Variants in CLYBL observed in about 807,000 individuals in gnomAD.
CLYBL encodes the protein citramalyl-CoA lyase.
In CLYBL, 31 loss-of-function variants were observed where a neutral mutation model predicts 38.9. That is an observed-to-expected ratio of 0.80 (90% CI 0.60 to 1.08). The LOEUF (loss-of-function observed/expected upper bound fraction) is 1.08, where lower values mean the gene tolerates loss of function less well. CLYBL is among the 50% of genes least tolerant of loss of function. The pLI is 0.00. For synonymous variants in CLYBL, 171 were observed against 158.6 expected (o/e 1.08, Z -0.59); for missense variants, 434 against 411.6 (o/e 1.05, Z -0.47).
chr13:99,876,051 A>G (rs1025744064), intron 7 of CLYBL, among the ~76,000 whole-genome samples: 1 of 148,206 alleles, frequency 6.7e-6, no homozygotes, highest in Non-Finnish European at 1.5e-5. Flanking sequence ...TATTGAAATC[A>G]TATCATATTC....
intron 1 of CLYBL, among the ~76,000 whole-genome samples, chr13:99,672,861 G>C (rs1361404908): frequency 6.6e-6 from 1 of 152,116 alleles, no homozygotes; most frequent in Non-Finnish European, 1.5e-5. Context: ...AAAACTCTAT[G>C]CCCTTAACCC....
At chr13:99,768,093 GTT>G (rs2049303772) in intron 1 of CLYBL, among the ~76,000 whole-genome samples, 1 of 150,640 alleles carries the variant, frequency 6.6e-6, no homozygotes, top group African/African-American at 2.4e-5. Flanking sequence ...TGGGCTCACT[GTT>G]TTTGTTTACT....
intron 1 of CLYBL, among the ~76,000 whole-genome samples, chr13:99,705,276 A>G (rs2048129539): frequency 1.3e-5 from 2 of 152,046 alleles, no homozygotes; most frequent in Non-Finnish European, 2.9e-5. Context: ...AATATTATTC[A>G]ACCTTAAGAA....
Position 99,863,060 on chromosome 13 carries a change from G to T in CLYBL, c.508G>T (p.Val170Leu). The change falls in exon 4 of 9, where the codon GTG becomes TTG. Residue 170 changes from valine (V) to leucine (L), a missense_variant. Physicochemically the swap from Val to Leu is conservative, Grantham distance 32. Transcript: ENST00000339105. ...ACAACCAATGAATTTAATCCCTTTT[G>T]TGGAAACTGCAATGGGTTTGCTCAA... Reference protein sequence around the residue: ...LEQPMNLIPFVETAMGLLNFK... With the variant: ...LEQPMNLIPFLETAMGLLNFK... 1 of 1,608,022 alleles carries T rather than the reference G, an allele frequency of 6.2e-7. No individual in the cohort carries two copies. Among genetic ancestry groups the T allele is most frequent in the Non-Finnish European group, 8.5e-7 (1 of 1,176,998 alleles).
At chr13:99,719,545 T>C (rs1027928844) in intron 1 of CLYBL, among the ~76,000 whole-genome samples, 2 of 152,042 alleles carry the variant, frequency 1.3e-5, no homozygotes, top group Non-Finnish European at 2.9e-5. Context: ...TTGCTCTTGT[T>C]GCCCAGGCTG....
intron 1 of CLYBL, among the ~76,000 whole-genome samples, chr13:99,626,840 C>T (rs1467864644): frequency 3.3e-5 from 5 of 151,864 alleles, no homozygotes; most frequent in Admixed American, 3.3e-4. Context: ...AATGTAGTCC[C>T]AGGTGGATGT....
intron 1 of CLYBL, among the ~76,000 whole-genome samples, chr13:99,731,139 G>C (rs1216866394): frequency 6.6e-6 from 1 of 150,470 alleles, no homozygotes; most frequent in Non-Finnish European, 1.5e-5. Flanking sequence ...GAGGGGTCCT[G>C]GTTTTGTTGT....
chr13:99,880,114 C>A (rs1594242437), intron 7 of CLYBL, among the ~76,000 whole-genome samples: 1 of 139,560 alleles, frequency 7.2e-6, no homozygotes, highest in African/African-American at 2.7e-5. Context: ...GTTGCCCAGG[C>A]TCGAGTACAA....
At chr13:99,782,723 T>G (rs1239104310) in intron 2 of CLYBL, among the ~76,000 whole-genome samples, 2 of 152,196 alleles carry the variant, frequency 1.3e-5, no homozygotes, top group African/African-American at 4.8e-5. Context: ...ACATTTTTGC[T>G]TCCTTTTTGC....
chr13:99,714,490 G>A (rs778410184), intron 1 of CLYBL, among the ~76,000 whole-genome samples: 3 of 151,568 alleles, frequency 2.0e-5, no homozygotes, highest in African/African-American at 4.8e-5. Context: ...GGTGGCACAC[G>A]CCTGTAATCC....
At chr13:99,689,040 G>A (rs540163462) in intron 1 of CLYBL, among the ~76,000 whole-genome samples, 3 of 151,970 alleles carry the variant, frequency 2.0e-5, no homozygotes, top group Non-Finnish European at 4.4e-5. Context: ...CAATAAAACC[G>A]GCCTCACACC....
chr13:99,620,599 A>C lies in CLYBL; in HGVS notation c.62+13842A>C, dbSNP rs553220889. On this transcript the variant is annotated intron_variant, in intron 1 of 8. Transcript: ENST00000339105. ...AGACCAACCTGGCACAACATGATAA[A>C]ACCCTGTCTCTACTAAAAATACAAA... 4.6e-5 allele frequency among the ~76,000 whole-genome samples: 7 copies of C among 152,276 alleles called. 1 individual carries two copies. Among genetic ancestry groups the C allele is most frequent in the Admixed American group, 3.9e-4 (6 of 15,290 alleles).
In CLYBL at chr13:99,849,068, G is replaced by T. The variant is rs2051272660; in HGVS notation, c.250-9793G>T. 6.6e-6 allele frequency among the ~76,000 whole-genome samples: 1 copy of T among 152,066 alleles called. No homozygotes were observed. The highest frequency in any genetic ancestry group is 1.5e-5 in the Non-Finnish European group (1 of 68,028). ...GCTGGAGAATCGCTTGAACCCAGGAGGTGGAGGCTGCAGTGAGCCGAGATC... is the reference window on the plus strand; with the variant it reads ...GCTGGAGAATCGCTTGAACCCAGGATGTGGAGGCTGCAGTGAGCCGAGATC... On this transcript the variant is annotated intron_variant, in intron 2 of 8. Coordinates refer to ENST00000339105, the MANE Select transcript of CLYBL (RefSeq NM_206808.5). The surrounding 1 kb of genome is among the most constrained non-coding windows in gnomAD (Gnocchi z 4.9).
In CLYBL at chr13:99,828,370, C is replaced by T. The variant is rs987983783; in HGVS notation, c.250-30491C>T. On this transcript the variant is annotated intron_variant, in intron 2 of 8. Coordinates refer to ENST00000339105, the MANE Select transcript of CLYBL (RefSeq NM_206808.5). ...GGTTAGGGGAATTTTCCCATGGTAG[C>T]GACAGCTGTTCCCACAGAAACAGCT... is the stretch of plus-strand genomic sequence containing the variant. Among the ~76,000 whole-genome samples, 25 of 152,142 alleles carry T rather than the reference C, an allele frequency of 1.6e-4. 1 individual carries two copies. The highest frequency in any genetic ancestry group is 9.2e-4 in the Admixed American group (14 of 15,278).
chr13:99,702,372 T>C (rs1041541447), intron 1 of CLYBL, among the ~76,000 whole-genome samples: 2 of 152,162 alleles, frequency 1.3e-5, no homozygotes, highest in Admixed American at 1.3e-4. Flanking sequence ...GGCTCATGCC[T>C]GTAATCCCAG....
chr13:99,664,411 A>G (rs1014687824), intron 1 of CLYBL, among the ~76,000 whole-genome samples: 4 of 152,224 alleles, frequency 2.6e-5, no homozygotes, highest in Non-Finnish European at 4.4e-5. Context: ...TCATATAAAC[A>G]TGCTTCTCTA....
intron 1 of CLYBL, among the ~76,000 whole-genome samples, chr13:99,607,084 G>GTGAA (rs2046538448): frequency 6.6e-6 from 1 of 152,218 alleles, no homozygotes; most frequent in African/African-American, 2.4e-5. Flanking sequence ...GGCTTGCCTG[G>GTGAA]TGAAGAACAC....
At chr13:99,844,441 G>T (rs1040292123) in intron 2 of CLYBL, among the ~76,000 whole-genome samples, 1 of 152,214 alleles carries the variant, frequency 6.6e-6, no homozygotes, top group Admixed American at 6.5e-5. Context: ...GATTTTGAAC[G>T]TTGGAACACA....
At chr13:99,901,093 C>A (rs568895351), downstream of CLYBL, among the ~76,000 whole-genome samples, 1 of 152,312 alleles carries the variant, frequency 6.6e-6, no homozygotes, top group Admixed American at 6.5e-5. Context: ...AGGCCCGGGG[C>A]AGGCATGATG....
Sources: allele counts gnomAD v4.1 joint callset (sites outside exome capture counted in the v4.1 genomes callset), GRCh38; gene constraint gnomAD v4.1.1; non-coding constraint Gnocchi (gnomAD v3.1); transcripts MANE v1.5; gene names NCBI Gene and HGNC (gene_info 2026-07-23, HGNC 2026-07-21).